The following KCNQ5 variants were observed in gnomAD, a reference collection of about 807,000 sequenced individuals.
KCNQ5 encodes the protein potassium voltage-gated channel subfamily KQT member 5.
A neutral mutation model predicts 98.2 loss-of-function variants in KCNQ5; 30 were observed. That is an observed-to-expected ratio of 0.31 (90% CI 0.23 to 0.41). The LOEUF (loss-of-function observed/expected upper bound fraction) is 0.41, where lower values mean the gene tolerates loss of function less well. KCNQ5 is among the 10% of genes least tolerant of loss of function. KCNQ5 has a pLI of 1.00. For missense variants in KCNQ5, 835 were observed against 1,182.5 expected, an observed-to-expected ratio of 0.71 and a Z score of 4.31; for synonymous variants, 458 against 449.4, an observed-to-expected ratio of 1.02 and a Z score of -0.24.
chr6:72,744,859 G>C (rs1053339199), intron 1 of KCNQ5, among the ~76,000 whole-genome samples: 5 of 151,834 alleles, frequency 3.3e-5, no homozygotes, highest in African/African-American at 9.7e-5. Flanking sequence ...GGCAACAGAG[G>C]TACAACAGAT....
chr6:73,158,510 C>T (rs1777476990), intron 10 of KCNQ5, among the ~76,000 whole-genome samples: 1 of 152,062 alleles, frequency 6.6e-6, no homozygotes, highest in African/African-American at 2.4e-5. Flanking sequence ...CAGGGATCCG[C>T]GCGCCTCAGC....
At chr6:73,130,980 C>T (rs1776210504) in intron 9 of KCNQ5, among the ~76,000 whole-genome samples, 3 of 151,962 alleles carry the variant, frequency 2.0e-5, no homozygotes, top group Admixed American at 2.0e-4. Context: ...TAGACATTAG[C>T]AAATATCCAT....
intron 3 of KCNQ5, chr6:73,055,192 A>T (rs1772419051): frequency 1.1e-6 from 1 of 946,366 alleles, no homozygotes; most frequent in Non-Finnish European, 1.7e-6. Flanking sequence ...TCCTGAGCCC[A>T]GCGGGCCATG....
At chr6:73,097,947 T>TA (rs2150411828) in intron 5 of KCNQ5, among the ~76,000 whole-genome samples, 1 of 152,096 alleles carries the variant, frequency 6.6e-6, no homozygotes, top group Admixed American at 6.6e-5. Flanking sequence ...CTACAATAAA[T>TA]ACCTAACTCT....
chr6:72,793,723 G>A (rs1184544916), intron 1 of KCNQ5, among the ~76,000 whole-genome samples: 4 of 152,234 alleles, frequency 2.6e-5, no homozygotes, highest in South Asian at 4.1e-4. Flanking sequence ...TGGTGCCTGC[G>A]CACACATGTG....
chr6:72,726,249 C>T (rs1770264685), intron 1 of KCNQ5, among the ~76,000 whole-genome samples: 1 of 145,976 alleles, frequency 6.9e-6, no homozygotes, highest in Non-Finnish European at 1.5e-5. Flanking sequence ...CTGGCTCTGT[C>T]GCCCAGGCTG....
chr6:73,003,295 T>C (rs751237090), intron 1 of KCNQ5, among the ~76,000 whole-genome samples: 12 of 152,192 alleles, frequency 7.9e-5, no homozygotes, highest in Non-Finnish European at 1.3e-4. Context: ...ATCCAGCAGT[T>C]TGACTAGAAG....
chr6:72,923,755 G>A (rs1387255551), intron 1 of KCNQ5, among the ~76,000 whole-genome samples: 1 of 152,124 alleles, frequency 6.6e-6, no homozygotes, highest in Non-Finnish European at 1.5e-5. Context: ...GTTCATGTGT[G>A]CTCAGTGTTT....
chr6:73,040,532 A>T (rs530421053), intron 2 of KCNQ5, among the ~76,000 whole-genome samples: 117 of 152,316 alleles, frequency 7.7e-4, no homozygotes, highest in Admixed American at 2.2e-3. Flanking sequence ...AACCAAAACA[A>T]AGCCAAAATC....
chr6:72,775,932 G>A (rs975272754), intron 1 of KCNQ5, among the ~76,000 whole-genome samples: 1 of 151,962 alleles, frequency 6.6e-6, no homozygotes, highest in Non-Finnish European at 1.5e-5. Context: ...TCCTAGAACA[G>A]AAAAAATGAT....
intron 1 of KCNQ5, among the ~76,000 whole-genome samples, chr6:72,679,970 A>C (rs1429065434): frequency 2.0e-5 from 3 of 152,148 alleles, no homozygotes; most frequent in Non-Finnish European, 4.4e-5. Flanking sequence ...CACAGGAGAC[A>C]GAGGTTGCAG....
chr6:73,184,898 G>A (rs80147551), intron 11 of KCNQ5, among the ~76,000 whole-genome samples: 4,720 of 152,206 alleles, frequency 0.031, 109 homozygotes, highest in East Asian at 0.11. Flanking sequence ...GAGAGAAGGG[G>A]GGAATTCTCA....
chr6:72,833,183 G>A (rs1776357717), intron 1 of KCNQ5, among the ~76,000 whole-genome samples: 1 of 152,114 alleles, frequency 6.6e-6, no homozygotes, highest in Admixed American at 6.6e-5. Flanking sequence ...TTCTCTGTGT[G>A]GCATTTTAGG....
intron 1 of KCNQ5, among the ~76,000 whole-genome samples, chr6:72,941,087 G>A (rs1310358847): frequency 2.6e-5 from 4 of 152,156 alleles, no homozygotes; most frequent in African/African-American, 9.7e-5. Context: ...AGACCGAAAT[G>A]TTTATAAAGT....
intron 1 of KCNQ5, among the ~76,000 whole-genome samples, chr6:72,941,584 T>TTCCTTCCTTCC (rs1766298877): frequency 9.2e-5 from 12 of 130,792 alleles, no homozygotes; most frequent in South Asian, 2.9e-4. Context: ...CTTCCCTCCC[T>TTCCTTCCTTCC]CCCTTCCTTC....
intron 1 of KCNQ5, among the ~76,000 whole-genome samples, chr6:72,999,622 C>T (rs1769467996): frequency 6.6e-6 from 1 of 152,172 alleles, no homozygotes; most frequent in Admixed American, 6.5e-5. Context: ...TTTATGTGTG[C>T]CATGGGCCCT....
At chr6:73,011,188 G>C (rs1313092460) in intron 2 of KCNQ5, among the ~76,000 whole-genome samples, 2 of 152,040 alleles carry the variant, frequency 1.3e-5, no homozygotes, top group Non-Finnish European at 2.9e-5. Flanking sequence ...TTAAGCTACA[G>C]TAATCAATCA....
chr6:73,011,934 G>A (rs191276180), intron 2 of KCNQ5, among the ~76,000 whole-genome samples: 87 of 152,152 alleles, frequency 5.7e-4, no homozygotes, highest in Middle Eastern at 3.4e-3. Flanking sequence ...CCTCACACCC[G>A]TTAGGATGGC....
chr6:72,780,671 A>C (rs1012721782), intron 1 of KCNQ5, among the ~76,000 whole-genome samples: 1 of 152,200 alleles, frequency 6.6e-6, no homozygotes, highest in African/African-American at 2.4e-5. Context: ...TCAGATAATA[A>C]GGGGTATTTT....
Sources: gnomAD v4.1 joint callset for allele counts (sites outside exome capture counted in the v4.1 genomes callset) on GRCh38, gnomAD v4.1.1 for gene constraint, MANE v1.5 for transcripts, NCBI Gene and HGNC (gene_info 2026-07-23, HGNC 2026-07-21) for gene names.